The following EPHA3 variants were observed in gnomAD, a reference collection of about 807,000 sequenced individuals.
EPHA3 encodes ephrin type-A receptor 3.
EPHA3 carries 42 observed loss-of-function variants against 107.1 expected under a neutral mutation model. The ratio of observed to expected loss-of-function variants is 0.39; its 90% CI spans 0.31 to 0.51. EPHA3 has a LOEUF of 0.51. Ranked by LOEUF, EPHA3 falls within the 20% of genes least tolerant of loss-of-function variation. EPHA3 has a pLI of 0.78. For missense variants in EPHA3, 1,183 were observed against 1,211.2 expected, an observed-to-expected ratio of 0.98 and a Z score of 0.35; for synonymous variants, 461 against 424.8, an observed-to-expected ratio of 1.09 and a Z score of -1.05.
chr3:89,229,253 T>C (rs1349863834), intron 3 of EPHA3, among the ~76,000 whole-genome samples: 2 of 151,956 alleles, frequency 1.3e-5, no homozygotes, highest in Admixed American at 1.3e-4. Context: ...TGTCAGTGAA[T>C]AAAGAAGTAA....
intron 3 of EPHA3, among the ~76,000 whole-genome samples, chr3:89,273,558 A>T (rs1705732133): frequency 6.6e-6 from 1 of 151,872 alleles, no homozygotes. Flanking sequence ...GTGAGAAGAT[A>T]CTCAGTTGTA....
At chr3:89,260,792 T>G (rs1273920430) in intron 3 of EPHA3, among the ~76,000 whole-genome samples, 1 of 152,186 alleles carries the variant, frequency 6.6e-6, no homozygotes, top group Non-Finnish European at 1.5e-5. Context: ...GCCTTTTGTT[T>G]TGCACACAGT....
At chr3:89,450,717 G>T (rs1299664528) in intron 15 of EPHA3, among the ~76,000 whole-genome samples, 1 of 151,978 alleles carries the variant, frequency 6.6e-6, no homozygotes, top group African/African-American at 2.4e-5. Flanking sequence ...GACCAGCCTG[G>T]CCAACATAGT....
chr3:89,349,346 A>G (rs1707749553), intron 5 of EPHA3, among the ~76,000 whole-genome samples: 1 of 91,512 alleles, frequency 1.1e-5, no homozygotes, highest in African/African-American at 5.4e-5. Context: ...CTTCTTGTTG[A>G]ATTGATCCCT....
intron 13 of EPHA3, among the ~76,000 whole-genome samples, chr3:89,437,471 A>G (rs952609025): frequency 6.6e-6 from 1 of 151,838 alleles, no homozygotes; most frequent in East Asian, 1.9e-4. Flanking sequence ...GTTTCTCATC[A>G]TGTGACTTTG....
intron 7 of EPHA3, among the ~76,000 whole-genome samples, chr3:89,406,157 C>T (rs1709050908): frequency 6.6e-6 from 1 of 152,092 alleles, no homozygotes. Context: ...TGGTGATTAA[C>T]TGGAGGCAGA....
intron 3 of EPHA3, among the ~76,000 whole-genome samples, chr3:89,299,113 T>G (rs1434388368): frequency 6.6e-6 from 1 of 152,146 alleles, no homozygotes; most frequent in Non-Finnish European, 1.5e-5. Context: ...AACTTTAAGT[T>G]TGTCTTTTTA....
intron 11 of EPHA3, among the ~76,000 whole-genome samples, chr3:89,426,400 T>C (rs1024420030): frequency 6.6e-6 from 1 of 151,794 alleles, no homozygotes; most frequent in African/African-American, 2.4e-5. Flanking sequence ...GGTAGAATAT[T>C]TGTAATTCTG....
At chr3:89,300,337 A>G (rs1706452431) in intron 3 of EPHA3, among the ~76,000 whole-genome samples, 1 of 152,064 alleles carries the variant, frequency 6.6e-6, no homozygotes, top group South Asian at 2.1e-4. Context: ...TATCAAACTT[A>G]TATGTAAAGT....
chr3:89,386,810 C>T (rs1402395952), intron 5 of EPHA3, among the ~76,000 whole-genome samples: 2 of 152,244 alleles, frequency 1.3e-5, no homozygotes, highest in African/African-American at 4.8e-5. Flanking sequence ...CCATCTCTTG[C>T]ATCAGCATGA....
chr3:89,419,703 G>A (rs1371729422), intron 11 of EPHA3, among the ~76,000 whole-genome samples: 2 of 151,416 alleles, frequency 1.3e-5, no homozygotes, highest in African/African-American at 4.8e-5. Flanking sequence ...TATGTAAGTA[G>A]CAAAGAAAAA....
At chr3:89,400,162 A>AT in intron 7 of EPHA3, 1 of 541,202 alleles carries the variant, frequency 1.8e-6, no homozygotes, top group Middle Eastern at 9.1e-4. Context: ...GAAGTTAATG[A>AT]TTTTACTTAA....
intron 2 of EPHA3, among the ~76,000 whole-genome samples, chr3:89,129,957 C>G (rs1282653165): frequency 6.6e-6 from 1 of 152,026 alleles, no homozygotes; most frequent in Non-Finnish European, 1.5e-5. Flanking sequence ...TGACTGTAAA[C>G]TTAAGAGGAA....
chr3:89,108,208 T>C (rs901201295), intron 1 of EPHA3, among the ~76,000 whole-genome samples: 2 of 152,128 alleles, frequency 1.3e-5, no homozygotes, highest in South Asian at 2.1e-4. Flanking sequence ...TCCGAGAAGT[T>C]TGAAAGAAAA....
intron 3 of EPHA3, among the ~76,000 whole-genome samples, chr3:89,219,432 G>A (rs1026377304): frequency 4.6e-5 from 7 of 151,602 alleles, no homozygotes; most frequent in East Asian, 2.0e-4. Flanking sequence ...CAAAGTGCTG[G>A]GATTACAGGC....
chr3:89,122,913 G>A (rs749399899), intron 1 of EPHA3, among the ~76,000 whole-genome samples: 1 of 152,142 alleles, frequency 6.6e-6, no homozygotes, highest in Non-Finnish European at 1.5e-5. Flanking sequence ...CAATACTAAT[G>A]AGCAATTTTA....
At chr3:89,338,737 C>T (rs112015766) in intron 3 of EPHA3, among the ~76,000 whole-genome samples, 39 of 152,192 alleles carry the variant, frequency 2.6e-4, no homozygotes, top group African/African-American at 9.1e-4. Context: ...TTAGTAGGGA[C>T]GGGGTTTCAC....
At chr3:89,150,594 A>G (rs1704671093) in intron 2 of EPHA3, among the ~76,000 whole-genome samples, 1 of 152,026 alleles carries the variant, frequency 6.6e-6, no homozygotes, top group Non-Finnish European at 1.5e-5. Flanking sequence ...GCACATATAC[A>G]TATTATTGAG....
chr3:89,396,063 A>G, intron 6 of EPHA3, 102 bp downstream of exon 6: 2 of 1,502,236 alleles, frequency 1.3e-6, no homozygotes, highest in Non-Finnish European at 1.8e-6. Flanking sequence ...GGTAAATGGT[A>G]GAGCACTGTT....
Sources: allele counts gnomAD v4.1 joint callset (sites outside exome capture counted in the v4.1 genomes callset), GRCh38; gene constraint gnomAD v4.1.1; transcripts MANE v1.5; gene names NCBI Gene and HGNC (gene_info 2026-07-23, HGNC 2026-07-21).